The following MAN1C1 variants were observed in gnomAD, a reference collection of about 807,000 sequenced individuals.
MAN1C1 encodes mannosidase alpha class 1C member 1, also known as mannosyl-oligosaccharide 1,2-alpha-mannosidase IC.
A neutral mutation model predicts 71.5 loss-of-function variants in MAN1C1; 49 were observed. That is an observed-to-expected ratio of 0.69 (90% confidence interval 0.54 to 0.87). The LOEUF is 0.87. Ranked by LOEUF, MAN1C1 falls within the 40% of genes least tolerant of loss-of-function variation. The pLI is 0.00. For missense variants in MAN1C1, 743 were observed against 835.0 expected (o/e 0.89, Z 1.36); for synonymous variants, 352 against 343.7 (o/e 1.02, Z -0.27).
intron 1 of MAN1C1, among the ~76,000 whole-genome samples, chr1:25,685,291 C>T (rs1160235760): frequency 6.6e-6 from 1 of 152,230 alleles, no homozygotes. Context: ...GGATTAGAAC[C>T]TCGGCATCTC....
intron 1 of MAN1C1, 43 bp downstream of exon 1, chr1:25,618,380 C>G: frequency 6.4e-7 from 1 of 1,556,364 alleles, no homozygotes; most frequent in Non-Finnish European, 8.7e-7. Flanking sequence ...ACTGCCCCCT[C>G]TAAGGAGAGA....
At chr1:25,620,990 G>A (rs2045198631) in intron 1 of MAN1C1, among the ~76,000 whole-genome samples, 1 of 152,226 alleles carries the variant, frequency 6.6e-6, no homozygotes, top group Non-Finnish European at 1.5e-5. Context: ...GTGGAGAGAG[G>A]AGACCCACAG....
At position 25,778,271 on chromosome 1, in the gene MAN1C1, G is replaced by T. The variant is rs781087513; in HGVS notation, c.1424G>T (p.Arg475Leu). ...DAKEEKRAHY[R>L]ELAAQITKTC... ...AAGGAAGAAAAGAGGGCCCACTACC[G>T]AGAGCTCGCAGCCCAGATCACCAAG... The change falls in exon 9 of 12, where the codon CGA (arginine) becomes CTA (leucine). Residue 475 changes from arginine (R) to leucine (L), a missense_variant. Transcript: ENST00000374332. The surrounding 1 kb of genome is among the most constrained non-coding windows in gnomAD (Gnocchi z 5.5). The T allele has an allele frequency of 6.2e-7, 1 of 1,613,998 alleles. No individual in the cohort carries two copies. The highest frequency in any genetic ancestry group is 8.5e-7 in the Non-Finnish European group (1 of 1,179,942).
chr1:25,747,755 A>G, intron 3 of MAN1C1, among the ~76,000 whole-genome samples: 1 of 152,142 alleles, frequency 6.6e-6, no homozygotes, highest in East Asian at 1.9e-4. Flanking sequence ...TCTCTTGGAA[A>G]AGTCATTGAC....
rs530679404 is a variant in MAN1C1 at position 25,700,155 on chromosome 1, C to G, written c.637+13619C>G. Among the ~76,000 whole-genome samples the G allele has an allele frequency of 5.9e-5, 9 of 152,240 alleles. No homozygotes were observed. In the South Asian group the frequency reaches 1.9e-3, roughly 32 times the overall value. ...TTGTTGTTGTTTTTGTTTTTAATGA[C>G]TGGATAAAGCACAATTGCATTTTCT... On this transcript the variant is annotated intron_variant, in intron 2 of 11. Transcript: ENST00000374332.
chr1:25,779,395 G>A lies in MAN1C1; in HGVS notation c.1477+1071G>A, dbSNP rs1248362809. ...CAGGCACTTGCTGACCGCCCATCATGATGTGTCTGTGCCCGCCCCAGCTGA... is the reference window on the plus strand; with the variant it reads ...CAGGCACTTGCTGACCGCCCATCATAATGTGTCTGTGCCCGCCCCAGCTGA... On this transcript the variant is annotated intron_variant, in intron 9 of 11. Transcript: ENST00000374332. The surrounding 1 kb of genome is among the most constrained non-coding windows in gnomAD (Gnocchi z 4.6). Among the ~76,000 whole-genome samples, 2 of 152,308 alleles carry A rather than the reference G, an allele frequency of 1.3e-5. No homozygotes were observed. Among genetic ancestry groups the A allele is most frequent in the East Asian group, 3.9e-4 (2 of 5,168 alleles).
In MAN1C1 at chr1:25,628,400, C is replaced by T. The variant is rs551426538; in HGVS notation, c.540+10063C>T. ...TCAGCTCACTGCAAACTCCGCCTCC[C>T]GGGTTCAAGCAATTCTCCTGCCTCA... On this transcript the variant is annotated intron_variant, in intron 1 of 11. Transcript: ENST00000374332. Among the ~76,000 whole-genome samples, 232 of 152,192 alleles carry T rather than the reference C, an allele frequency of 1.5e-3. 3 individuals carry two copies. Among genetic ancestry groups the T allele is most frequent in the Non-Finnish European group, 3.8e-4 (26 of 68,014 alleles).
intron 1 of MAN1C1, among the ~76,000 whole-genome samples, chr1:25,629,855 A>AT (rs2045353943): frequency 1.3e-5 from 2 of 151,292 alleles, no homozygotes; most frequent in Non-Finnish European, 2.9e-5. Context: ...TACTCTGATG[A>AT]TTATTACTTT....
In MAN1C1 at chr1:25,720,937, G is replaced by A. The variant is rs558121710; in HGVS notation, c.638-25731G>A. 1.1e-3 allele frequency among the ~76,000 whole-genome samples: 160 copies of A among 152,260 alleles called. 2 individuals are homozygous for A. Among genetic ancestry groups the A allele is most frequent in the South Asian group, 3.3e-3 (16 of 4,814 alleles). The stretch of plus-strand genomic sequence containing the variant: ...TTTTTTGAAAAGACTGTTCTTTTCC[G>A]ATTGAGTTGTCTTAGCATCCTTGTC... On this transcript the variant is annotated intron_variant, in intron 2 of 11. Transcript: ENST00000374332.
rs1447548045 is a variant in MAN1C1 at position 25,730,732 on chromosome 1, G to C, written c.638-15936G>C. Among the ~76,000 whole-genome samples the C allele has an allele frequency of 6.6e-6, 1 of 152,264 alleles. No homozygotes were observed. Among genetic ancestry groups the C allele is most frequent in the Non-Finnish European group, 1.5e-5 (1 of 68,048 alleles). ...CGACTGGATGAGGCCTGGCTTGGCT[G>C]TGGGTGGGTGGACAGGGCAAGCGGG... On this transcript the variant is annotated intron_variant, in intron 2 of 11. Coordinates refer to ENST00000374332, the MANE Select transcript of MAN1C1 (RefSeq NM_020379.4). The surrounding 1 kb of genome is among the most constrained non-coding windows in gnomAD (Gnocchi z 4.3).
In MAN1C1 at chr1:25,779,931, G is replaced by A. The variant is rs1379166269; in HGVS notation, c.1478-1009G>A. 6.6e-6 allele frequency among the ~76,000 whole-genome samples: 1 copy of A among 152,170 alleles called. No individual in the cohort carries two copies. The highest frequency in any genetic ancestry group is 2.4e-5 in the African/African-American group (1 of 41,438). ...GCTGGGGACTTGGGTGACCTGGACA[G>A]GAGGGACAGGCATTAAAGGGAGAAG... On this transcript the variant is annotated intron_variant, in intron 9 of 11. Coordinates refer to ENST00000374332, the MANE Select transcript of MAN1C1 (RefSeq NM_020379.4). The surrounding 1 kb of genome is among the most constrained non-coding windows in gnomAD (Gnocchi z 4.6).
At chr1:25,693,739 CAG>C (rs1224194060) in intron 2 of MAN1C1, among the ~76,000 whole-genome samples, 2 of 152,186 alleles carry the variant, frequency 1.3e-5, no homozygotes, top group African/African-American at 4.8e-5. Context: ...GTGTGATGGA[CAG>C]AGAGGAGAAT....
intron 2 of MAN1C1, among the ~76,000 whole-genome samples, chr1:25,701,806 T>C (rs955448193): frequency 2.6e-5 from 4 of 152,228 alleles, no homozygotes; most frequent in Non-Finnish European, 5.9e-5. Context: ...ACGCCTGCAA[T>C]CCCGGCACTT....
At chr1:25,660,144 G>A (rs1038440306) in intron 1 of MAN1C1, among the ~76,000 whole-genome samples, 3 of 152,190 alleles carry the variant, frequency 2.0e-5, no homozygotes, top group African/African-American at 7.2e-5. Context: ...GTTCACGCCT[G>A]TAGTCCCAGC....
At chr1:25,756,389 TCTC>T (rs945580886) in intron 5 of MAN1C1, among the ~76,000 whole-genome samples, 2 of 151,960 alleles carry the variant, frequency 1.3e-5, no homozygotes, top group East Asian at 3.9e-4. Flanking sequence ...TGCCAGGGCA[TCTC>T]CACCACAGGA....
chr1:25,676,904 T>C (rs756007291), intron 1 of MAN1C1, among the ~76,000 whole-genome samples: 1 of 152,128 alleles, frequency 6.6e-6, no homozygotes, highest in Non-Finnish European at 1.5e-5. Context: ...ACACAAACTT[T>C]GGAGTTTTCC....
intron 1 of MAN1C1, among the ~76,000 whole-genome samples, chr1:25,683,693 GC>G (rs34909480): frequency 0.029 from 4,361 of 152,174 alleles, 86 homozygotes; most frequent in Non-Finnish European, 0.044. Context: ...TACCACCATG[GC>G]TATAGCCCAG....
chr1:25,695,578 G>T (rs1421340462), intron 2 of MAN1C1, among the ~76,000 whole-genome samples: 3 of 152,322 alleles, frequency 2.0e-5, no homozygotes, highest in African/African-American at 7.2e-5. Context: ...GCTTGCTGCA[G>T]TGTCGTGCAC....
intron 2 of MAN1C1, among the ~76,000 whole-genome samples, chr1:25,744,756 C>G (rs1175199661): frequency 8.5e-5 from 13 of 152,204 alleles, no homozygotes; most frequent in Non-Finnish European, 1.9e-4. Flanking sequence ...CACAAGTGAG[C>G]AGTTAGGAAG....
Sources: gnomAD v4.1 joint callset for allele counts (sites outside exome capture counted in the v4.1 genomes callset) on GRCh38, gnomAD v4.1.1 for gene constraint, Gnocchi (gnomAD v3.1) non-coding constraint, MANE v1.5 for transcripts, NCBI Gene and HGNC (gene_info 2026-07-23, HGNC 2026-07-21) for gene names.